The following CNBD1 variants were observed in gnomAD, a reference collection of about 807,000 sequenced individuals.
CNBD1 encodes cyclic nucleotide-binding domain-containing protein 1.
CNBD1 carries 71 observed loss-of-function variants against 54.4 expected under a neutral mutation model. The ratio of observed to expected loss-of-function variants is 1.30; its 90% CI spans 1.08 to 1.59. The LOEUF is 1.59. CNBD1 is among the 40% of genes most tolerant of loss of function. The probability of loss-of-function intolerance (pLI) is 0.00; values close to 1 mark genes in which losing one functional copy is unlikely to be tolerated. For synonymous variants in CNBD1, 182 were observed against 170.7 expected (o/e 1.07, Z -0.51); for missense variants, 659 against 518.0 (o/e 1.27, Z -2.64).
At chr8:87,331,089 T>A (rs916838921) in intron 8 of CNBD1, among the ~76,000 whole-genome samples, 1 of 152,174 alleles carries the variant, frequency 6.6e-6, no homozygotes, top group East Asian at 1.9e-4. Flanking sequence ...AGGATACATG[T>A]GCAGAACATG....
intron 4 of CNBD1, among the ~76,000 whole-genome samples, chr8:87,038,275 C>A (rs1428700147): frequency 6.6e-6 from 1 of 152,160 alleles, no homozygotes; most frequent in Admixed American, 6.5e-5. Context: ...CTCCTGATGG[C>A]TTCTTCCTGC....
At chr8:87,002,901 G>A (rs138290325) in intron 4 of CNBD1, among the ~76,000 whole-genome samples, 42 of 152,092 alleles carry the variant, frequency 2.8e-4, no homozygotes, top group African/African-American at 9.4e-4. Context: ...AAAGTTTCTG[G>A]CATGTATTAT....
chr8:86,873,834 G>A (rs959236112), intron 1 of CNBD1, among the ~76,000 whole-genome samples: 4 of 152,102 alleles, frequency 2.6e-5, no homozygotes, highest in Admixed American at 6.5e-5. Flanking sequence ...TCTTACAGAT[G>A]TTGGAAGTTC....
intron 4 of CNBD1, among the ~76,000 whole-genome samples, chr8:87,074,876 C>T (rs1810836002): frequency 6.6e-6 from 1 of 152,204 alleles, no homozygotes; most frequent in South Asian, 2.1e-4. Context: ...AATCAGCCAT[C>T]TTGCAGAAAC....
rs992405988 is a variant in CNBD1, at chr8:87,404,315, G to A, written c.214-24231G>A. Reference sequence around the variant, plus strand: ...ACTGTAACAATTCCAAAAGTGATTGGTCATCACTTTTCATCATTGCCATGT... The same window carrying A: ...ACTGTAACAATTCCAAAAGTGATTGATCATCACTTTTCATCATTGCCATGT... On this transcript the variant is annotated intron_variant, in intron 2 of 7. Transcript: ENST00000521593. Among the ~76,000 whole-genome samples, 4 of 152,076 alleles carry A rather than the reference G, an allele frequency of 2.6e-5. No individual in the cohort carries two copies. The East Asian group carries it at 5.8e-4, about 22-fold the overall frequency.
At chr8:87,183,840 C>T (rs1182739372) in intron 4 of CNBD1, among the ~76,000 whole-genome samples, 3 of 152,208 alleles carry the variant, frequency 2.0e-5, no homozygotes, top group Non-Finnish European at 2.9e-5. Flanking sequence ...TGCTCTAACC[C>T]TGGGGGCACT....
intron 4 of CNBD1, among the ~76,000 whole-genome samples, chr8:87,091,581 T>C (rs551045811): frequency 2.4e-4 from 36 of 152,200 alleles, no homozygotes; most frequent in Non-Finnish European, 4.3e-4. Flanking sequence ...CCATGTTCAA[T>C]AGCTCAGCAA....
Position 86,927,934 on chromosome 8 carries a change from G to T in CNBD1, c.273-11662G>T, listed in dbSNP as rs368066929. 3.3e-5 allele frequency among the ~76,000 whole-genome samples: 5 copies of T among 152,158 alleles called. No individual in the cohort carries two copies. The East Asian group carries it at 5.8e-4, about 18-fold the overall frequency. On this transcript the variant is annotated intron_variant, in intron 3 of 10. Coordinates refer to ENST00000518476, the MANE Select transcript of CNBD1 (RefSeq NM_173538.3). ...TTGGGACTCCTGAGCTGATGGTCTT[G>T]CAGGTTCCTCAGGGGGTGTCCAAAG...
chr8:87,417,287 A>G (rs1194898327), intron 2 of CNBD1, among the ~76,000 whole-genome samples: 4 of 151,964 alleles, frequency 2.6e-5, no homozygotes, highest in African/African-American at 4.8e-5. Flanking sequence ...CCTATTCACT[A>G]TCACAAGAAC....
intron 2 of CNBD1, among the ~76,000 whole-genome samples, chr8:87,424,520 C>A (rs1033870683): frequency 2.0e-5 from 3 of 152,184 alleles, no homozygotes; most frequent in African/African-American, 7.2e-5. Flanking sequence ...TTTCTGCCTT[C>A]ATTTCGTTAT....
rs142796773 is a variant in CNBD1 at position 87,203,556 on chromosome 8, C to T, written c.432-2437C>T. Among the ~76,000 whole-genome samples, 170 of 152,268 alleles carry T rather than the reference C, an allele frequency of 1.1e-3. 1 individual carries two copies. The highest frequency in any genetic ancestry group is 3.9e-3 in the African/African-American group (163 of 41,564). ...TGTGTAACTAGAGATAGAAGGAACC[C>T]ATTTTTGAACAGTTAGCATCTCTTC... is the stretch of plus-strand genomic sequence containing the variant. On this transcript the variant is annotated intron_variant, in intron 4 of 10. Transcript: ENST00000518476.
chr8:87,286,510 A>C, intron 7 of CNBD1, 29 bp from the exon 8 acceptor site: 1 of 1,287,976 alleles, frequency 7.8e-7, no homozygotes, highest in Non-Finnish European at 1.1e-6. Flanking sequence ...GCCTGTTATT[A>C]AAAATTTGAT....
chr8:87,353,921 A>C lies in CNBD1; in HGVS notation c.1303+135A>C, dbSNP rs188096339. 1.5e-5 allele frequency: 9 copies of C among 584,722 alleles called. No homozygotes were observed. The East Asian group carries it at 2.8e-4, about 18-fold the overall frequency. The allele number at this position is 584,722 out of a possible 1,614,324, so 36.2% of individuals were successfully genotyped here. A position where few individuals can be genotyped will look rare whatever the true frequency, so the allele number is the denominator to read the frequency against. ...CACCTGCAAAGGATGGAGTATTTGC[A>C]TAATCTCCTCCAGATCATTTCTCTC... On this transcript the variant is annotated intron_variant, in intron 10 of 10. Transcript: ENST00000518476.
At chr8:86,900,516 ACTGT>A (rs1397144674) in intron 2 of CNBD1, among the ~76,000 whole-genome samples, 2 of 152,168 alleles carry the variant, frequency 1.3e-5, no homozygotes, top group Non-Finnish European at 2.9e-5. Flanking sequence ...AAATTTTTAA[ACTGT>A]CTGATATCTA....
chr8:87,215,284 T>A (rs1280257184), intron 5 of CNBD1, among the ~76,000 whole-genome samples: 1 of 152,088 alleles, frequency 6.6e-6, no homozygotes, highest in African/African-American at 2.4e-5. Context: ...GCCAATTCAT[T>A]TGGACATCAA....
At chr8:87,151,419 A>G (rs1306602174) in intron 4 of CNBD1, among the ~76,000 whole-genome samples, 1 of 152,240 alleles carries the variant, frequency 6.6e-6, no homozygotes, top group Non-Finnish European at 1.5e-5. Context: ...TAAGTAATAC[A>G]AGTATATAGC....
At position 87,286,538 on chromosome 8, in the gene CNBD1, G is replaced by A; in HGVS notation, c.910-1G>A. 7.1e-7 allele frequency: 1 copy of A among 1,403,256 alleles called. No homozygotes were observed. The highest frequency in any genetic ancestry group is 9.8e-7 in the Non-Finnish European group (1 of 1,020,072). The allele number at this position is 1,403,256 out of a possible 1,614,324, so 86.9% of individuals were successfully genotyped here. On this transcript the variant is annotated splice_acceptor_variant, in intron 7 of 10. Coordinates refer to ENST00000518476, the MANE Select transcript of CNBD1 (RefSeq NM_173538.3). LOFTEE classifies it high-confidence loss of function. ...AATTTGATAATGACATTCTGTTTTA[G>A]GAAAAAATAAAACTTGAAAATATGC...
intron 4 of CNBD1, among the ~76,000 whole-genome samples, chr8:86,953,686 G>C (rs1807685429): frequency 1.3e-5 from 2 of 152,028 alleles, no homozygotes; most frequent in East Asian, 3.9e-4. Context: ...GGCCAACATA[G>C]TGTGACCCCT....
intron 6 of CNBD1, among the ~76,000 whole-genome samples, chr8:87,255,677 G>A (rs1807995153): frequency 6.6e-6 from 1 of 151,616 alleles, no homozygotes; most frequent in South Asian, 2.1e-4. Context: ...CAAAGGACAG[G>A]AATTGAGTCA....
Sources: allele counts gnomAD v4.1 joint callset (sites outside exome capture counted in the v4.1 genomes callset), GRCh38; gene constraint gnomAD v4.1.1; transcripts MANE v1.5; gene names NCBI Gene and HGNC (gene_info 2026-07-23, HGNC 2026-07-21).